Variants in SEC16B observed in about 807,000 individuals in gnomAD.
SEC16B encodes the protein SEC16 homolog B, endoplasmic reticulum export factor.
SEC16B carries 115 observed loss-of-function variants against 141.8 expected under a neutral mutation model. The observed-to-expected ratio is 0.81, with a 90% CI of 0.70 to 0.95. SEC16B has a LOEUF of 0.95. Ranked by LOEUF, SEC16B falls within the 40% of genes least tolerant of loss-of-function variation. The probability of loss-of-function intolerance (pLI) is 0.00; values close to 1 mark genes in which losing one functional copy is unlikely to be tolerated. For synonymous variants in SEC16B, 493 were observed against 492.5 expected (o/e 1.00, Z -0.01); for missense variants, 1,291 against 1,312.3 (o/e 0.98, Z 0.25).
chr1:177,937,074 T>C, intron 19 of SEC16B, 140 bp downstream of exon 19: 4 of 912,108 alleles, frequency 4.4e-6, no homozygotes, highest in Non-Finnish European at 6.4e-6. Flanking sequence ...AGGCCCTCCG[T>C]AACGGGCACA....
intron 13 of SEC16B, 63 bp downstream of exon 13, chr1:177,947,762 A>AGGGAGGGGAGGTGAGGGGAGGGACC: frequency 1.3e-6 from 1 of 745,390 alleles, no homozygotes; most frequent in Non-Finnish European, 2.0e-6. Flanking sequence ...GGAAAGGGAC[A>AGGGAGGGGAGGTGAGGGGAGGGACC]GGGAGGGGAG....
chr1:177,954,754 G>A (rs1297867727), intron 10 of SEC16B, among the ~76,000 whole-genome samples: 2 of 152,050 alleles, frequency 1.3e-5, no homozygotes, highest in Non-Finnish European at 2.9e-5. Context: ...GTTCTCATTA[G>A]AAAAAACATG....
intron 20 of SEC16B, among the ~76,000 whole-genome samples, chr1:177,934,870 G>A (rs1050053620): frequency 7.9e-5 from 12 of 152,170 alleles, no homozygotes; most frequent in African/African-American, 1.7e-4. Flanking sequence ...AATGATTAAC[G>A]ACAACATGGG....
intron 8 of SEC16B, 90 bp downstream of exon 8, chr1:177,960,252 A>G: frequency 1.2e-6 from 1 of 866,862 alleles, no homozygotes; most frequent in South Asian, 1.5e-5. Flanking sequence ...TTCCAAGGAA[A>G]CCAAGAACAA....
At chr1:177,965,407 G>T (rs1653440085) in intron 3 of SEC16B, among the ~76,000 whole-genome samples, 1 of 152,096 alleles carries the variant, frequency 6.6e-6, no homozygotes, top group African/African-American at 2.4e-5. Flanking sequence ...ATTGGTGTGT[G>T]TGTGTGTGTT....
chr1:177,931,969 T>C (rs1376387929), intron 24 of SEC16B, among the ~76,000 whole-genome samples: 1 of 151,768 alleles, frequency 6.6e-6, no homozygotes, highest in Non-Finnish European at 1.5e-5. Flanking sequence ...CTGTTATAGG[T>C]TGAACTGTGT....
Position 177,933,428 on chromosome 1 carries a change from G to A in SEC16B, c.2724+56C>T, listed in dbSNP as rs1375008684. ...AGACTTCCAAGTCTGCACCACCCTC[G>A]AGGAAGGGAATGGCAGGGGAAGGAA... On this transcript the variant is annotated intron_variant, in intron 21 of 25. Transcript: ENST00000308284. 3.7e-5 allele frequency: 59 copies of A among 1,589,358 alleles called. 1 individual carries two copies. The South Asian group carries it at 5.3e-4, about 14-fold the overall frequency.
In SEC16B at chr1:177,960,397, G is replaced by GAAT. The variant is rs1474397053; in HGVS notation, c.940_942dup (p.Ile314dup). ...TCCTCTTGCTCTTCGGAATCATTAA[G>GAAT]AATAACCTGGAATAAAACAATCAGA... On this transcript the variant is annotated inframe_insertion, in exon 8 of 26. Transcript: ENST00000308284. The GAAT allele has an allele frequency of 6.3e-7, 1 of 1,589,762 alleles. No individual in the cohort carries two copies. The highest frequency in any genetic ancestry group is 1.7e-5 in the Admixed American group (1 of 57,946).
chr1:177,958,199 G>T lies in SEC16B; in HGVS notation c.1298C>A (p.Pro433His), dbSNP rs116746965. The change falls in exon 10 of 26, where the codon CCC becomes CAC. Residue 433 changes from proline to histidine, a missense_variant. By Grantham distance (77) the Pro-to-His change is moderately conservative. Coordinates refer to ENST00000308284, the MANE Select transcript of SEC16B (RefSeq NM_033127.4). ...GATCTGCGCAGGTGTCTCCACACTG[G>T]GGGGGATCTCTCCCGTGAGCAGGTT... ...TPNLLTGEIP[P>H]SVETPAQIVE... 28 of 1,597,976 alleles carry T rather than the reference G, an allele frequency of 1.8e-5. No homozygotes were observed. The South Asian group carries it at 1.8e-4, about 11-fold the overall frequency.
chr1:177,939,809 C>T, intron 17 of SEC16B, 32 bp from the exon 18 acceptor site: 1 of 1,478,230 alleles, frequency 6.8e-7, no homozygotes. Flanking sequence ...TCCTTTTAAG[C>T]AGCACAAAGG....
chr1:177,943,465 T>C (rs964943326), intron 15 of SEC16B, among the ~76,000 whole-genome samples: 1 of 152,210 alleles, frequency 6.6e-6, no homozygotes, highest in Non-Finnish European at 1.5e-5. Context: ...GCCATTTCTC[T>C]ATGACACAGG....
At chr1:177,939,606 G>A in intron 18 of SEC16B, 96 bp downstream of exon 18, 2 of 1,081,952 alleles carry the variant, frequency 1.8e-6, no homozygotes, top group South Asian at 1.4e-5. Flanking sequence ...GGCACCCTGG[G>A]AAGCAAAGGG....
chr1:177,935,854 A>T (rs1335890645), intron 20 of SEC16B, among the ~76,000 whole-genome samples: 1 of 152,224 alleles, frequency 6.6e-6, no homozygotes, highest in Non-Finnish European at 1.5e-5. Context: ...TTCACCAGAC[A>T]TGAGGACCTT....
At position 177,957,231 on chromosome 1, in the gene SEC16B, T is replaced by A. The variant is rs188804863; in HGVS notation, c.1365+901A>T. On this transcript the variant is annotated intron_variant, in intron 10 of 25. Transcript: ENST00000308284. ...GTAACAAGATGTGTAAATGGTATAA[T>A]TTATAGTGGTTGACAAAATTATAAA... is the stretch of plus-strand genomic sequence containing the variant. Among the ~76,000 whole-genome samples the A allele has an allele frequency of 2.1e-3, 317 of 152,272 alleles. 3 individuals are homozygous for A. The highest frequency in any genetic ancestry group is 7.1e-3 in the African/African-American group (295 of 41,558).
chr1:177,929,880 C>T lies in SEC16B; in HGVS notation c.3161G>A (p.Arg1054His), dbSNP rs758338415. ...LNRPNRLAQR[R>H]YPTQPC ...TTCTCAGCATGGCTGGGTGGGATAG[C>T]GACGCTGAGCTAGGCGATTTGGCCG... The change falls in exon 26 of 26, where the codon CGC (arginine) becomes CAC (histidine). Residue 1054 changes from arginine to histidine, a missense_variant. Arg to His is a conservative substitution (Grantham distance 29). Around this residue, in one of 3 missense-constraint regions of SEC16B, gnomAD observed 605 missense variants for 614.1 expected, o/e 0.99. Transcript: ENST00000308284. The T allele has an allele frequency of 1.3e-4, 207 of 1,613,816 alleles. No homozygotes were observed. The East Asian group carries it at 4.4e-3, about 34-fold the overall frequency.
chr1:177,954,429 A>G (rs1652442328), intron 10 of SEC16B, 53 bp from the exon 11 acceptor site: 7 of 1,442,754 alleles, frequency 4.9e-6, no homozygotes, highest in Non-Finnish European at 6.7e-6. Context: ...TCCACTCACA[A>G]GTTCCTGTGC....
chr1:177,934,640 G>C (rs1650701607), intron 20 of SEC16B, among the ~76,000 whole-genome samples: 1 of 152,184 alleles, frequency 6.6e-6, no homozygotes, highest in African/African-American at 2.4e-5. Flanking sequence ...CTAAGGCACA[G>C]AAAGGTTAAG....
At chr1:177,980,810 C>T (rs1420103926) in intron 1 of SEC16B, among the ~76,000 whole-genome samples, 1 of 151,320 alleles carries the variant, frequency 6.6e-6, no homozygotes, top group Non-Finnish European at 1.5e-5. Context: ...AAATCTGCCT[C>T]AACTGAGACC....
chr1:177,946,602 G>T, intron 13 of SEC16B, 71 bp from the exon 14 acceptor site: 1 of 1,214,814 alleles, frequency 8.2e-7, no homozygotes, highest in Non-Finnish European at 1.2e-6. Context: ...TGGGTGGGAT[G>T]GGAGACAGAT....
Sources: gnomAD v4.1 joint callset for allele counts (sites outside exome capture counted in the v4.1 genomes callset) on GRCh38, gnomAD v4.1.1 for gene constraint, gnomAD v4.1.1 regional missense constraint, MANE v1.5 for transcripts, NCBI Gene and HGNC (gene_info 2026-07-23, HGNC 2026-07-21) for gene names.